ADGRL3: variants seen among roughly 807,000 people sequenced by gnomAD.
ADGRL3 encodes the protein adhesion G protein-coupled receptor L3, also known as calcium-independent alpha-latrotoxin receptor 3.
Under a neutral mutation model 153.5 loss-of-function variants are expected in ADGRL3, and 62 were observed. The observed-to-expected ratio is 0.40, with a 90% CI of 0.33 to 0.50. ADGRL3 has a LOEUF of 0.50. ADGRL3 is among the 20% of genes least tolerant of loss of function. ADGRL3 has a pLI of 0.47. For synonymous variants in ADGRL3, 710 were observed against 672.5 expected, an observed-to-expected ratio of 1.06 and a Z score of -0.86; for missense variants, 1,641 against 1,859.4, an observed-to-expected ratio of 0.88 and a Z score of 2.16.
intron 8 of ADGRL3, among the ~76,000 whole-genome samples, chr4:61,746,445 A>G (rs960274588): frequency 1.2e-4 from 18 of 152,172 alleles, no homozygotes; most frequent in African/African-American, 4.1e-4. Context: ...AAAACTGACC[A>G]CATAGTTGGA....
chr4:61,789,961 G>A (rs905241831), intron 8 of ADGRL3, among the ~76,000 whole-genome samples: 1 of 152,186 alleles, frequency 6.6e-6, no homozygotes, highest in African/African-American at 2.4e-5. Flanking sequence ...CTTAAAAAAT[G>A]AGTCATGCTG....
At chr4:61,275,882 T>C (rs2093435242) in intron 1 of ADGRL3, among the ~76,000 whole-genome samples, 1 of 152,206 alleles carries the variant, frequency 6.6e-6, no homozygotes, top group Admixed American at 6.6e-5. Flanking sequence ...AAATAAAGAT[T>C]AAAGAAGTAG....
rs2092201422 is a variant in ADGRL3, at chr4:61,618,062, G to A, written c.473+30622G>A. ...AAAGTCACATCAATAGATAATTTCA[G>A]TCTAATACTGTAAGCTCTGGAATTG... On this transcript the variant is annotated intron_variant, in intron 5 of 26. Coordinates refer to ENST00000683033, the MANE Select transcript of ADGRL3 (RefSeq NM_001387552.1). 2.0e-5 allele frequency among the ~76,000 whole-genome samples: 3 copies of A among 152,262 alleles called. No homozygotes were observed. In the South Asian group the frequency reaches 6.2e-4, roughly 32 times the overall value.
intron 5 of ADGRL3, among the ~76,000 whole-genome samples, chr4:61,646,239 C>T (rs1580061979): frequency 1.3e-5 from 2 of 152,108 alleles, no homozygotes; most frequent in South Asian, 4.2e-4. Flanking sequence ...AATGTCCTCC[C>T]CTAGCTCGGA....
intron 8 of ADGRL3, among the ~76,000 whole-genome samples, chr4:61,810,678 G>A (rs1408813991): frequency 6.6e-6 from 1 of 152,114 alleles, no homozygotes; most frequent in African/African-American, 2.4e-5. Context: ...TTGGATTTTT[G>A]CTACAGCACT....
chr4:61,775,979 C>A, intron 8 of ADGRL3: 1 of 164,630 alleles, frequency 6.1e-6, no homozygotes, highest in Non-Finnish European at 1.3e-5. Context: ...CGGCTCACTG[C>A]AAGCTCCGCC....
intron 8 of ADGRL3, among the ~76,000 whole-genome samples, chr4:61,768,575 T>A (rs1052145707): frequency 6.6e-6 from 1 of 152,052 alleles, no homozygotes; most frequent in Non-Finnish European, 1.5e-5. Flanking sequence ...GTGGAAAAAT[T>A]GAAAGTGCCG....
chr4:61,884,569 G>A (rs2149510938), intron 9 of ADGRL3, among the ~76,000 whole-genome samples: 1 of 152,168 alleles, frequency 6.6e-6, no homozygotes, highest in African/African-American at 2.4e-5. Flanking sequence ...GCTCTATAAA[G>A]ATTACTTCCT....
Position 61,742,559 on chromosome 4 carries a change from C to T in ADGRL3, c.1399+9005C>T, listed in dbSNP as rs1007539110. ...CCTCCCAAAGTGCTGGGATTACAGG[C>T]GTGAGACACCGCACCCGGCCTGTTT... On this transcript the variant is annotated intron_variant, in intron 8 of 26. Transcript: ENST00000683033. 5.9e-5 allele frequency among the ~76,000 whole-genome samples: 9 copies of T among 152,194 alleles called. No individual in the cohort carries two copies. The South Asian group carries it at 6.2e-4, about 11-fold the overall frequency.
At chr4:61,684,935 C>A (rs2095415213) in intron 6 of ADGRL3, among the ~76,000 whole-genome samples, 1 of 150,042 alleles carries the variant, frequency 6.7e-6, no homozygotes, top group Non-Finnish European at 1.5e-5. Context: ...TTTTTTGAAA[C>A]AGGATCTTGC....
chr4:61,228,094 G>C (rs1268846302), intron 1 of ADGRL3, among the ~76,000 whole-genome samples: 1 of 152,072 alleles, frequency 6.6e-6, no homozygotes, highest in Non-Finnish European at 1.5e-5. Context: ...AATTTCACCA[G>C]CGTTTCCATT....
chr4:61,279,467 C>G (rs1418262941), intron 1 of ADGRL3, among the ~76,000 whole-genome samples: 1 of 152,070 alleles, frequency 6.6e-6, no homozygotes, highest in Non-Finnish European at 1.5e-5. Flanking sequence ...GAGAGATTTC[C>G]TTTTGAGAGT....
In ADGRL3 at chr4:61,268,390, G is replaced by A. The variant is rs115884772; in HGVS notation, c.-240+66625G>A. ...GCAAAATGCAAAATTTATCTCAAGA[G>A]GAATAGTTATCTTTTATTTGCTGAT... On this transcript the variant is annotated intron_variant, in intron 1 of 26. Transcript: ENST00000683033. Among the ~76,000 whole-genome samples, 834 of 151,630 alleles carry A rather than the reference G, an allele frequency of 5.5e-3. 12 individuals carry two copies. The highest frequency in any genetic ancestry group is 0.018 in the African/African-American group (763 of 41,496).
intron 6 of ADGRL3, among the ~76,000 whole-genome samples, chr4:61,725,021 C>CA (rs962766257): frequency 2.0e-5 from 3 of 152,180 alleles, no homozygotes; most frequent in Middle Eastern, 3.4e-3. Flanking sequence ...GGGGTGATAG[C>CA]ACTGAAAAGT....
At chr4:61,370,118 C>G (rs1185960487) in intron 1 of ADGRL3, among the ~76,000 whole-genome samples, 1 of 152,096 alleles carries the variant, frequency 6.6e-6, no homozygotes, top group African/African-American at 2.4e-5. Flanking sequence ...ATTCTTCTCT[C>G]TTTTTTTCTT....
chr4:61,815,287 G>A (rs1266845532), intron 9 of ADGRL3, among the ~76,000 whole-genome samples: 1 of 152,150 alleles, frequency 6.6e-6, no homozygotes, highest in Non-Finnish European at 1.5e-5. Flanking sequence ...CAAGGAGTTT[G>A]TGTTTTATCC....
chr4:61,450,072 C>A (rs2097655143), intron 2 of ADGRL3, among the ~76,000 whole-genome samples: 1 of 152,118 alleles, frequency 6.6e-6, no homozygotes, highest in Non-Finnish European at 1.5e-5. Flanking sequence ...GCTGAAAACC[C>A]AAATGGATTT....
intron 17 of ADGRL3, among the ~76,000 whole-genome samples, chr4:61,953,310 A>T (rs1329806795): frequency 6.6e-6 from 1 of 152,148 alleles, no homozygotes; most frequent in East Asian, 1.9e-4. Flanking sequence ...GTGCAAGAAG[A>T]GTTAGCTCAA....
intron 1 of ADGRL3, among the ~76,000 whole-genome samples, chr4:61,342,572 A>G (rs2095827585): frequency 6.6e-6 from 1 of 151,674 alleles, no homozygotes; most frequent in Non-Finnish European, 1.5e-5. Context: ...CCTCTTTCAT[A>G]TTTATCCTCT....
Sources: gnomAD v4.1 joint callset for allele counts (sites outside exome capture counted in the v4.1 genomes callset) on GRCh38, gnomAD v4.1.1 for gene constraint, MANE v1.5 for transcripts, NCBI Gene and HGNC (gene_info 2026-07-23, HGNC 2026-07-21) for gene names.